The following RDX variants were observed in gnomAD, a reference collection of about 807,000 sequenced individuals.
RDX encodes deafness, autosomal recessive 24.
A neutral mutation model predicts 83.7 loss-of-function variants in RDX; 32 were observed. The ratio of observed to expected loss-of-function variants is 0.38; its 90% CI spans 0.29 to 0.51. RDX has a LOEUF of 0.51. Ranked by LOEUF, RDX falls within the 20% of genes least tolerant of loss-of-function variation. The pLI is 0.87. For synonymous variants in RDX, 229 were observed against 222.7 expected, an observed-to-expected ratio of 1.03 and a Z score of -0.25; for missense variants, 600 against 689.9, an observed-to-expected ratio of 0.87 and a Z score of 1.46.
intron 14 of RDX, among the ~76,000 whole-genome samples, chr11:110,215,222 C>T (rs1039216191): frequency 2.0e-5 from 3 of 149,684 alleles, no homozygotes; most frequent in South Asian, 2.1e-4. Flanking sequence ...ATTGGCCGGG[C>T]GTGATGGGTG....
chr11:110,261,841 C>T (rs1859819344), intron 5 of RDX, among the ~76,000 whole-genome samples: 1 of 151,964 alleles, frequency 6.6e-6, no homozygotes, highest in African/African-American at 2.4e-5. Flanking sequence ...TAGAGCACAC[C>T]CATATTTAAA....
intron 7 of RDX, among the ~76,000 whole-genome samples, chr11:110,257,124 C>T (rs560921410): frequency 6.7e-6 from 1 of 150,202 alleles, no homozygotes; most frequent in African/African-American, 2.5e-5. Context: ...TAGTATTTAC[C>T]CATGTATTTG....
chr11:110,225,687 G>A (rs1007812451), downstream of RDX, among the ~76,000 whole-genome samples: 2 of 152,058 alleles, frequency 1.3e-5, no homozygotes, highest in South Asian at 4.2e-4. Context: ...TTAGAACCTT[G>A]TGCACCGCTA....
At chr11:110,294,608 T>C (rs1353227484) in intron 1 of RDX, among the ~76,000 whole-genome samples, 2 of 152,002 alleles carry the variant, frequency 1.3e-5, no homozygotes, top group South Asian at 2.1e-4. Context: ...GCGTTCCCCA[T>C]CCCGGAGACT....
intron 1 of RDX, among the ~76,000 whole-genome samples, chr11:110,292,018 C>A (rs1260008245): frequency 1.3e-5 from 2 of 151,958 alleles, no homozygotes; most frequent in Admixed American, 6.6e-5. Context: ...GTTGGCCAGG[C>A]ACAGTGGTTC....
chr11:110,206,736 T>C (rs908521445), intron 14 of RDX, among the ~76,000 whole-genome samples: 1 of 152,132 alleles, frequency 6.6e-6, no homozygotes, highest in Admixed American at 6.6e-5. Context: ...AATACTACAA[T>C]AGATGGGGAA....
At chr11:110,276,797 G>A (rs1411780472) in intron 2 of RDX, among the ~76,000 whole-genome samples, 1 of 152,004 alleles carries the variant, frequency 6.6e-6, no homozygotes, top group Non-Finnish European at 1.5e-5. Context: ...CCATAATTTT[G>A]ACATCCTAAA....
chr11:110,217,529 G>C (rs1421599439), intron 14 of RDX, among the ~76,000 whole-genome samples: 1 of 152,154 alleles, frequency 6.6e-6, no homozygotes, highest in East Asian at 1.9e-4. Context: ...CTCTCCTGAG[G>C]AGAGCAGCGC....
intron 3 of RDX, among the ~76,000 whole-genome samples, chr11:110,269,881 T>G (rs910142471): frequency 6.6e-6 from 1 of 151,198 alleles, no homozygotes; most frequent in Admixed American, 6.6e-5. Context: ...CTACCAAAAA[T>G]ACAAAAAAAA....
intron 15 of RDX, among the ~76,000 whole-genome samples, chr11:110,183,112 G>A (rs186620031): frequency 4.6e-5 from 7 of 152,232 alleles, no homozygotes; most frequent in East Asian, 3.9e-4. Context: ...TGGGTTACCC[G>A]CACCTTGGTT....
At chr11:110,201,598 A>C (rs1455586000) in intron 14 of RDX, among the ~76,000 whole-genome samples, 1 of 152,216 alleles carries the variant, frequency 6.6e-6, no homozygotes, top group Non-Finnish European at 1.5e-5. Context: ...ATACATAAAA[A>C]TCACATGAGC....
At chr11:110,232,238 T>C (rs1864668009) in intron 13 of RDX, among the ~76,000 whole-genome samples, 1 of 152,194 alleles carries the variant, frequency 6.6e-6, no homozygotes, top group Non-Finnish European at 1.5e-5. Context: ...TCAACCATGG[T>C]ATTTTGTACA....
At chr11:110,281,435 T>C (rs1285761149) in intron 1 of RDX, among the ~76,000 whole-genome samples, 1 of 151,844 alleles carries the variant, frequency 6.6e-6, no homozygotes, top group Admixed American at 6.6e-5. Context: ...GTTCAAGCGA[T>C]TCTCCTGCTT....
rs886047641 is a variant in RDX, at chr11:110,230,611, GTCTC to G, written c.*1254_*1257del. 5 of 117,652 alleles carry G rather than the reference GTCTC, an allele frequency of 4.2e-5. No individual in the cohort carries two copies. The highest frequency in any genetic ancestry group is 2.2e-4 in the East Asian group (1 of 4,560). 7.3% of individuals were successfully genotyped at this position (117,652 alleles called of 1,614,324 possible). A position where few individuals can be genotyped will look rare whatever the true frequency, so the allele number is the denominator to read the frequency against. The stretch of plus-strand genomic sequence containing the variant: ...ACACACACACACACACACACACACA[GTCTC>G]TCTCTCATTCTCTCTCTCTCTTGCT... On this transcript the variant is annotated 3_prime_UTR_variant, in exon 14 of 14. Transcript: ENST00000645495.
chr11:110,275,499 G>A (rs950028028), intron 2 of RDX, among the ~76,000 whole-genome samples: 24 of 152,118 alleles, frequency 1.6e-4, no homozygotes, highest in African/African-American at 5.8e-4. Flanking sequence ...ATAGACCAAT[G>A]GAAAACTAGT....
intron 2 of RDX, chr11:110,272,857 C>T: frequency 1.9e-6 from 1 of 529,012 alleles, no homozygotes; most frequent in East Asian, 4.1e-5. Context: ...TGCTATAATA[C>T]TAGGAGATAC....
At chr11:110,271,156 T>C (rs1292376016) in intron 3 of RDX, among the ~76,000 whole-genome samples, 7 of 152,234 alleles carry the variant, frequency 4.6e-5, no homozygotes. Flanking sequence ...CTTTTAAATT[T>C]ATGAATTACC....
At chr11:110,280,555 T>C (rs1024401284) in intron 1 of RDX, among the ~76,000 whole-genome samples, 1 of 152,272 alleles carries the variant, frequency 6.6e-6, no homozygotes, top group Non-Finnish European at 1.5e-5. Flanking sequence ...GGCTTATTTT[T>C]TCTTCTTGTA....
At chr11:110,222,685 A>C (rs557416516) in intron 14 of RDX, among the ~76,000 whole-genome samples, 1 of 152,156 alleles carries the variant, frequency 6.6e-6, no homozygotes, top group Non-Finnish European at 1.5e-5. Context: ...AGTCCCAGCT[A>C]CTTGGGAGGC....
Sources: gnomAD v4.1 joint callset for allele counts (sites outside exome capture counted in the v4.1 genomes callset) on GRCh38, gnomAD v4.1.1 for gene constraint, MANE v1.5 for transcripts, NCBI Gene and HGNC (gene_info 2026-07-23, HGNC 2026-07-21) for gene names.